FRMD4B: variants seen among roughly 807,000 people sequenced by gnomAD.
FRMD4B encodes FERM domain containing 4B.
FRMD4B carries 74 observed loss-of-function variants against 141.5 expected under a neutral mutation model. The observed-to-expected ratio is 0.52, with a 90% confidence interval of 0.43 to 0.63. The LOEUF (loss-of-function observed/expected upper bound fraction) is 0.63, where lower values mean the gene tolerates loss of function less well. Ranked by LOEUF, FRMD4B falls within the 30% of genes least tolerant of loss-of-function variation. The probability of loss-of-function intolerance (pLI) is 0.00; values close to 1 mark genes in which losing one functional copy is unlikely to be tolerated. For synonymous variants in FRMD4B, 506 were observed against 467.9 expected, an observed-to-expected ratio of 1.08 and a Z score of -1.05; for missense variants, 1,366 against 1,253.4, an observed-to-expected ratio of 1.09 and a Z score of -1.36.
At chr3:69,388,016 T>C (rs888756102), upstream of FRMD4B, among the ~76,000 whole-genome samples, 5 of 152,226 alleles carry the variant, frequency 3.3e-5, no homozygotes, top group Middle Eastern at 3.4e-3. Flanking sequence ...AAAAGAACTG[T>C]CATCATGCTG....
intron 22 of FRMD4B, among the ~76,000 whole-genome samples, 196 bp from the exon 23 acceptor site, chr3:69,172,177 A>T (rs989211226): frequency 1.3e-5 from 2 of 152,176 alleles, no homozygotes; most frequent in African/African-American, 4.8e-5. Flanking sequence ...CAGGCCCATA[A>T]AAAGGATTAT....
At chr3:69,249,975 G>A in intron 6 of FRMD4B, 68 bp downstream of exon 6, 1 of 1,008,502 alleles carries the variant, frequency 9.9e-7, no homozygotes, top group South Asian at 1.3e-5. Context: ...AAGTTTCAGA[G>A]TTGCAGGCAG....
At chr3:69,536,563 G>T in intron 1 of FRMD4B, 1 of 710,596 alleles carries the variant, frequency 1.4e-6, no homozygotes, top group Non-Finnish European at 2.6e-6. Context: ...TGGTGAGAGG[G>T]CAGGAGGCGG....
At chr3:69,239,403 A>C (rs1242728494) in intron 7 of FRMD4B, among the ~76,000 whole-genome samples, 1 of 152,118 alleles carries the variant, frequency 6.6e-6, no homozygotes, top group Admixed American at 6.6e-5. Flanking sequence ...ATCAACTGTC[A>C]AGCTATTTGT....
At chr3:69,258,813 C>G (rs951213101) in intron 5 of FRMD4B, among the ~76,000 whole-genome samples, 1 of 152,256 alleles carries the variant, frequency 6.6e-6, no homozygotes, top group Non-Finnish European at 1.5e-5. Flanking sequence ...TATCTCCCCA[C>G]TGGAAGAACC....
At position 69,378,463 on chromosome 3, in the gene FRMD4B, A is replaced by C. The variant is rs77926807; in HGVS notation, c.162+7365T>G. Among the ~76,000 whole-genome samples, 777 of 152,294 alleles carry C rather than the reference A, an allele frequency of 5.1e-3. 8 individuals carry two copies. Among genetic ancestry groups the C allele is most frequent in the African/African-American group, 0.018 (743 of 41,552 alleles). On this transcript the variant is annotated intron_variant, in intron 1 of 22. Coordinates refer to ENST00000398540, the MANE Select transcript of FRMD4B (RefSeq NM_015123.3). ...CAGTAATCAACCAAGCTTCCAGCCA[A>C]CCAGTGATTGAATAGATAGTATGAG...
intron 5 of FRMD4B, among the ~76,000 whole-genome samples, chr3:69,260,031 T>A (rs2093515886): frequency 6.6e-6 from 1 of 152,218 alleles, no homozygotes; most frequent in South Asian, 2.1e-4. Flanking sequence ...ATGTGAAGAT[T>A]AATATTCAGT....
rs2107661953 is a variant in FRMD4B, at chr3:69,198,734, T to C, written c.917A>G (p.Glu306Gly). Residue 306 changes from glutamate to glycine, a missense_variant, in exon 12 of 23, where the codon GAG becomes GGG. Coordinates refer to ENST00000398540, the MANE Select transcript of FRMD4B (RefSeq NM_015123.3). The part of the protein sequence containing the change: ...WKQLENLYFR[E>G]KKFAVEVHDP... The stretch of plus-strand genomic sequence containing the variant: ...ATGAACTTCAACAGCAAATTTTTTC[T>C]CACGGAAATATAAGTTCTCCAGCTG... 1.3e-6 allele frequency: 2 copies of C among 1,569,424 alleles called. No individual in the cohort carries two copies. Among genetic ancestry groups the C allele is most frequent in the South Asian group, 2.3e-5 (2 of 86,226 alleles).
intron 7 of FRMD4B, among the ~76,000 whole-genome samples, chr3:69,236,314 C>T (rs2093345541): frequency 6.6e-6 from 1 of 151,632 alleles, no homozygotes. Context: ...CTGCAAGCTC[C>T]GCCTCCTGGG....
At chr3:69,382,695 C>A (rs1704145137) in intron 1 of FRMD4B, among the ~76,000 whole-genome samples, 1 of 151,556 alleles carries the variant, frequency 6.6e-6, no homozygotes, top group Non-Finnish European at 1.5e-5. Context: ...GGGTACAGAC[C>A]CTAAATTGGA....
At chr3:69,229,440 T>G (rs2093285180) in intron 7 of FRMD4B, among the ~76,000 whole-genome samples, 1 of 152,178 alleles carries the variant, frequency 6.6e-6, no homozygotes, top group African/African-American at 2.4e-5. Context: ...CCCTTGTGAA[T>G]ATATAACATC....
intron 1 of FRMD4B, chr3:69,541,451 G>A (rs1701183088): frequency 6.6e-6 from 1 of 152,164 alleles, no homozygotes; most frequent in South Asian, 2.1e-4. Flanking sequence ...CTCCTCCTGC[G>A]GCTGCTTTCT....
At chr3:69,334,358 T>A (rs546428593) in intron 1 of FRMD4B, 9 of 150,998 alleles carry the variant, frequency 6.0e-5, no homozygotes, top group Admixed American at 4.0e-4. Context: ...GGAGGCCAGG[T>A]GCGGTGGTTC....
At chr3:69,353,660 C>A in intron 1 of FRMD4B, 2 of 983,542 alleles carry the variant, frequency 2.0e-6, no homozygotes, top group South Asian at 9.4e-5. Context: ...CGTGTGTGTG[C>A]GCGCATGTGC....
At chr3:69,193,093 T>C (rs1035492426) in intron 17 of FRMD4B, among the ~76,000 whole-genome samples, 2 of 144,842 alleles carry the variant, frequency 1.4e-5, no homozygotes, top group Middle Eastern at 3.5e-3. Flanking sequence ...AGTGCTGGGA[T>C]TATAGGTGTG....
At chr3:69,290,060 C>T (rs764835157) in intron 4 of FRMD4B, among the ~76,000 whole-genome samples, 7 of 152,122 alleles carry the variant, frequency 4.6e-5, no homozygotes, top group Admixed American at 2.6e-4. Context: ...AATTTTGTCT[C>T]AGCTTTTCCT....
chr3:69,283,094 A>C (rs1305296562), intron 5 of FRMD4B, among the ~76,000 whole-genome samples: 1 of 151,968 alleles, frequency 6.6e-6, no homozygotes, highest in Non-Finnish European at 1.5e-5. Context: ...TTTAGAAAGG[A>C]GCTCCCAGGC....
intron 9 of FRMD4B, among the ~76,000 whole-genome samples, chr3:69,220,142 T>C (rs1034352905): frequency 2.0e-5 from 3 of 152,228 alleles, no homozygotes; most frequent in Admixed American, 1.3e-4. Flanking sequence ...TCTGTCCTTG[T>C]GCACACATCA....
chr3:69,199,953 T>C (rs2092949561), intron 11 of FRMD4B, among the ~76,000 whole-genome samples: 1 of 150,980 alleles, frequency 6.6e-6, no homozygotes, highest in Non-Finnish European at 1.5e-5. Flanking sequence ...AAATTCCTCT[T>C]CTCTGCCCCC....
Sources: allele counts gnomAD v4.1 joint callset (sites outside exome capture counted in the v4.1 genomes callset), GRCh38; gene constraint gnomAD v4.1.1; transcripts MANE v1.5; gene names NCBI Gene and HGNC (gene_info 2026-07-23, HGNC 2026-07-21).